The following VIPR2 variants were observed in gnomAD, a reference collection of about 807,000 sequenced individuals.
VIPR2 encodes the protein vasoactive intestinal polypeptide receptor 2.
VIPR2 carries 48 observed loss-of-function variants against 58.0 expected under a neutral mutation model. The ratio of observed to expected loss-of-function variants is 0.83; its 90% CI spans 0.66 to 1.05. VIPR2 has a LOEUF of 1.05. Ranked by LOEUF, VIPR2 falls within the 50% of genes least tolerant of loss-of-function variation. VIPR2 has a pLI of 0.00. For missense variants in VIPR2, 534 were observed against 558.0 expected, an observed-to-expected ratio of 0.96 and a Z score of 0.43; for synonymous variants, 243 against 235.2, an observed-to-expected ratio of 1.03 and a Z score of -0.30.
chr7:159,142,249 A>C (rs1458611458), intron 2 of VIPR2, among the ~76,000 whole-genome samples, 197 bp downstream of exon 2: 2 of 152,172 alleles, frequency 1.3e-5, no homozygotes, highest in Admixed American at 1.3e-4. Context: ...ATCTTTTTAA[A>C]GGTGTGTGTG....
intron 2 of VIPR2, among the ~76,000 whole-genome samples, chr7:159,119,437 A>G (rs955036802): frequency 1.3e-5 from 2 of 152,130 alleles, no homozygotes; most frequent in South Asian, 2.1e-4. Flanking sequence ...CCAGACTCGG[A>G]CTCATGCTTG....
intron 6 of VIPR2, among the ~76,000 whole-genome samples, chr7:159,038,142 C>T (rs753294548): frequency 9.2e-5 from 14 of 152,108 alleles, no homozygotes; most frequent in Non-Finnish European, 1.9e-4. Context: ...ATTTGGCCTC[C>T]GGGGTCCTGA....
chr7:159,079,053 G>A (rs3812304), intron 4 of VIPR2, among the ~76,000 whole-genome samples: 43,907 of 151,924 alleles, frequency 0.29, 6,906 homozygotes, highest in African/African-American at 0.42. Context: ...GAGGAAGGAT[G>A]GGTGGTGACA....
chr7:159,087,102 G>T (rs956628542), intron 4 of VIPR2, among the ~76,000 whole-genome samples: 12 of 152,068 alleles, frequency 7.9e-5, no homozygotes, highest in Non-Finnish European at 1.6e-4. Context: ...CTCTGATAGT[G>T]AGATACGGCT....
chr7:159,045,178 G>C (rs558773533), intron 5 of VIPR2, among the ~76,000 whole-genome samples: 3 of 152,234 alleles, frequency 2.0e-5, no homozygotes, highest in South Asian at 4.2e-4. Context: ...AAAATGAAGA[G>C]AGCCCAAGAG....
chr7:159,117,220 G>A, intron 2 of VIPR2: 1 of 674,542 alleles, frequency 1.5e-6, no homozygotes, highest in African/African-American at 1.8e-5. Flanking sequence ...AAGGTCCCTT[G>A]CCATCTCAGA....
chr7:159,097,111 G>A lies in VIPR2; in HGVS notation c.357+6646C>T, dbSNP rs144230114. 1.8e-5 allele frequency: 27 copies of A among 1,494,048 alleles called. No individual in the cohort carries two copies. The highest frequency in any genetic ancestry group is 2.2e-5 in the Non-Finnish European group (25 of 1,114,026). The allele number at this position is 1,494,048 out of a possible 1,614,324, so 92.5% of individuals were successfully genotyped here. Reference sequence around the variant, plus strand: ...CTTGCAGGGTTGCAGGAGGGTTGGCGGGATGATCAGATGGTGCCTCCCACA... The same window carrying A: ...CTTGCAGGGTTGCAGGAGGGTTGGCAGGATGATCAGATGGTGCCTCCCACA... On this transcript the variant is annotated intron_variant, in intron 4 of 12. Transcript: ENST00000262178. The surrounding 1 kb of genome is among the most constrained non-coding windows in gnomAD (Gnocchi z 5.3).
At chr7:159,113,493 C>G (rs1031953770) in intron 2 of VIPR2, among the ~76,000 whole-genome samples, 3 of 152,106 alleles carry the variant, frequency 2.0e-5, no homozygotes, top group African/African-American at 7.2e-5. Flanking sequence ...CTCCCTTCAC[C>G]ATCTCGGTGT....
At chr7:159,132,788 A>ACCGATTGATTT (rs1796985706) in intron 2 of VIPR2, among the ~76,000 whole-genome samples, 7 of 142,494 alleles carry the variant, frequency 4.9e-5, no homozygotes, top group Non-Finnish European at 6.4e-5. Flanking sequence ...TGATTGGCAT[A>ACCGATTGATTT]CAGACTGATT....
chr7:159,084,201 A>G lies in VIPR2; in HGVS notation c.357+19556T>C, dbSNP rs140030212. Among the ~76,000 whole-genome samples the G allele has an allele frequency of 1.6e-3, 242 of 152,392 alleles. 3 individuals are homozygous for G. The highest frequency in any genetic ancestry group is 0.01 in the Middle Eastern group (3 of 294). On this transcript the variant is annotated intron_variant, in intron 4 of 12. Coordinates refer to ENST00000262178, the MANE Select transcript of VIPR2 (RefSeq NM_003382.5). ...AAACAAGACCAACGCGCACCAGGCC[A>G]GAGGGGCAAAGGCCATGCCTCTGAG... is the stretch of plus-strand genomic sequence containing the variant.
chr7:159,115,811 G>A (rs533672374), intron 2 of VIPR2, among the ~76,000 whole-genome samples: 4 of 152,372 alleles, frequency 2.6e-5, no homozygotes, highest in African/African-American at 4.8e-5. Flanking sequence ...GCTGCCCCAC[G>A]CCCTCTAGCT....
Position 159,096,980 on chromosome 7 carries a change from G to T in VIPR2, c.357+6777C>A, listed in dbSNP as rs1233578857. On this transcript the variant is annotated intron_variant, in intron 4 of 12. Coordinates refer to ENST00000262178, the MANE Select transcript of VIPR2 (RefSeq NM_003382.5). The surrounding 1 kb of genome is among the most constrained non-coding windows in gnomAD (Gnocchi z 5.5). ...ACCTGCTGGGCCTGAGGACCATGAG[G>T]GGAGGCTTCCTTCAGAAAAGCTGCT... 2.6e-6 allele frequency: 4 copies of T among 1,550,516 alleles called. No homozygotes were observed. In the Admixed American group the frequency reaches 7.8e-5, roughly 30 times the overall value.
At chr7:159,033,720 C>G (rs1020877140) in intron 10 of VIPR2, among the ~76,000 whole-genome samples, 1 of 152,024 alleles carries the variant, frequency 6.6e-6, no homozygotes, top group Non-Finnish European at 1.5e-5. Flanking sequence ...AGTAGACACA[C>G]GGCCATGGAC....
intron 2 of VIPR2, among the ~76,000 whole-genome samples, chr7:159,118,637 C>T (rs1796335878): frequency 6.6e-6 from 1 of 152,268 alleles, no homozygotes; most frequent in African/African-American, 2.4e-5. Context: ...CCCCTCTCTT[C>T]CAGCCCAGAC....
chr7:159,096,998 A>G lies in VIPR2; in HGVS notation c.357+6759T>C, dbSNP rs1306034938. 6.4e-7 allele frequency: 1 copy of G among 1,550,432 alleles called. No homozygotes were observed. The highest frequency in any genetic ancestry group is 8.7e-7 in the Non-Finnish European group (1 of 1,146,980). On this transcript the variant is annotated intron_variant, in intron 4 of 12. Coordinates refer to ENST00000262178, the MANE Select transcript of VIPR2 (RefSeq NM_003382.5). This position sits in a 1 kb window ranked among gnomAD's most constrained non-coding sequence, Gnocchi z 5.5. Reference sequence around the variant, plus strand: ...CCATGAGGGGAGGCTTCCTTCAGAAAAGCTGCTGCTCTCAGAGGTGATTTG... The same window carrying G: ...CCATGAGGGGAGGCTTCCTTCAGAAGAGCTGCTGCTCTCAGAGGTGATTTG...
chr7:159,099,749 T>A lies in VIPR2; in HGVS notation c.357+4008A>T, dbSNP rs1427229275. 6.6e-6 allele frequency among the ~76,000 whole-genome samples: 1 copy of A among 151,986 alleles called. No homozygotes were observed. Among genetic ancestry groups the A allele is most frequent in the East Asian group, 1.9e-4 (1 of 5,182 alleles). On this transcript the variant is annotated intron_variant, in intron 4 of 12. Transcript: ENST00000262178. The surrounding 1 kb of genome is among the most constrained non-coding windows in gnomAD (Gnocchi z 4.2). ...GGTGGTGCCTCCAACACACCGGGGA[T>A]CCCACCTGGACCTTGAAATCCCCCC...
At chr7:159,030,835 C>T (rs377221384) in intron 12 of VIPR2, 46 bp from the exon 13 acceptor site, 77 of 1,464,584 alleles carry the variant, frequency 5.3e-5, no homozygotes, top group Non-Finnish European at 6.8e-5. Flanking sequence ...TGGGCAGGTG[C>T]GGGCGGCTGC....
intron 2 of VIPR2, among the ~76,000 whole-genome samples, chr7:159,113,564 C>T (rs1199036184): frequency 6.6e-6 from 1 of 152,146 alleles, no homozygotes; most frequent in Non-Finnish European, 1.5e-5. Context: ...CCTGAGACCA[C>T]CTCAGTGCAG....
At chr7:159,064,191 A>AGGGGCGGCCCCAC (rs1158804974) in intron 4 of VIPR2, among the ~76,000 whole-genome samples, 1 of 151,446 alleles carries the variant, frequency 6.6e-6, no homozygotes, top group Non-Finnish European at 1.5e-5. Context: ...GGGGTGGGAG[A>AGGGGCGGCCCCAC]GGGGCGGCCC....
Sources: allele counts gnomAD v4.1 joint callset (sites outside exome capture counted in the v4.1 genomes callset), GRCh38; gene constraint gnomAD v4.1.1; non-coding constraint Gnocchi (gnomAD v3.1); transcripts MANE v1.5; gene names NCBI Gene and HGNC (gene_info 2026-07-23, HGNC 2026-07-21).